The following FARS2 variants were observed in gnomAD, a reference collection of about 807,000 sequenced individuals.
FARS2 encodes the protein phenylalanyl-tRNA synthetase 2, mitochondrial.
Under a neutral mutation model 46.4 loss-of-function variants are expected in FARS2, and 40 were observed. The ratio of observed to expected loss-of-function variants is 0.86; its 90% CI spans 0.67 to 1.12. The LOEUF (loss-of-function observed/expected upper bound fraction) is 1.12. Ranked by LOEUF, FARS2 falls within the 50% of genes most tolerant of loss-of-function variation. The pLI is 0.00. For synonymous variants in FARS2, 234 were observed against 214.9 expected, an observed-to-expected ratio of 1.09 and a Z score of -0.78; for missense variants, 513 against 567.9, an observed-to-expected ratio of 0.90 and a Z score of 0.98.
chr6:5,691,281 C>G (rs1757695819), intron 6 of FARS2, among the ~76,000 whole-genome samples: 1 of 152,168 alleles, frequency 6.6e-6, no homozygotes, highest in Non-Finnish European at 1.5e-5. Context: ...TTTAGAGTTT[C>G]CAGTTTTGCT....
intron 4 of FARS2, among the ~76,000 whole-genome samples, chr6:5,458,665 C>T (rs1184902498): frequency 6.6e-6 from 1 of 152,084 alleles, no homozygotes; most frequent in African/African-American, 2.4e-5. Flanking sequence ...TAAATAAGGA[C>T]ATGTTTGTTG....
intron 6 of FARS2, among the ~76,000 whole-genome samples, chr6:5,766,201 T>C (rs1273233596): frequency 6.6e-6 from 1 of 152,254 alleles, no homozygotes; most frequent in Non-Finnish European, 1.5e-5. Context: ...GTGCAGCCTG[T>C]TCTGTCCTTC....
chr6:5,601,524 CAAAAAAA>C (rs70975920), intron 5 of FARS2, among the ~76,000 whole-genome samples: 31 of 92,166 alleles, frequency 3.4e-4, no homozygotes, highest in African/African-American at 1.0e-4. Context: ...AACTCCATCA[CAAAAAAA>C]AAAAAAAAAA....
chr6:5,547,909 G>A (rs1771133528), intron 5 of FARS2, among the ~76,000 whole-genome samples: 1 of 152,168 alleles, frequency 6.6e-6, no homozygotes, highest in Non-Finnish European at 1.5e-5. Context: ...TTTGTGTACA[G>A]ACCTTTTCAA....
At chr6:5,719,465 G>GAGA (rs1399406909) in intron 6 of FARS2, among the ~76,000 whole-genome samples, 2 of 38,572 alleles carry the variant, frequency 5.2e-5, no homozygotes, top group African/African-American at 8.9e-5. Context: ...AAAGAAAAGA[G>GAGA]AAGAAAAGAA....
intron 4 of FARS2, among the ~76,000 whole-genome samples, chr6:5,437,875 T>G (rs1312307871): frequency 6.6e-6 from 1 of 152,176 alleles, no homozygotes; most frequent in Non-Finnish European, 1.5e-5. Flanking sequence ...AAAATACATG[T>G]TTCCTTCTGG....
chr6:5,627,159 C>T (rs925303573), intron 6 of FARS2, among the ~76,000 whole-genome samples: 1 of 152,148 alleles, frequency 6.6e-6, no homozygotes, highest in East Asian at 1.9e-4. Context: ...CTTATGGGAC[C>T]ATCATTGCAT....
intron 3 of FARS2, among the ~76,000 whole-genome samples, chr6:5,425,736 G>A (rs550724139): frequency 1.3e-5 from 2 of 152,312 alleles, no homozygotes; most frequent in Admixed American, 1.3e-4. Flanking sequence ...TATTTCTGAA[G>A]TCCCACTTGA....
At chr6:5,315,558 G>A (rs1014264392) in intron 1 of FARS2, among the ~76,000 whole-genome samples, 10 of 152,138 alleles carry the variant, frequency 6.6e-5, no homozygotes, top group Admixed American at 2.0e-4. Flanking sequence ...TGAGAAAAAG[G>A]AGCAAGGAGA....
chr6:5,357,735 G>C (rs1280329112), intron 1 of FARS2, among the ~76,000 whole-genome samples: 1 of 152,196 alleles, frequency 6.6e-6, no homozygotes, highest in African/African-American at 2.4e-5. Flanking sequence ...TAGCAGGGGT[G>C]GACTGGAACC....
At chr6:5,556,193 A>G (rs971301676) in intron 5 of FARS2, among the ~76,000 whole-genome samples, 2 of 152,126 alleles carry the variant, frequency 1.3e-5, no homozygotes, top group African/African-American at 4.8e-5. Context: ...CTTTAATCCT[A>G]GTTAAACCTA....
chr6:5,664,022 C>T (rs1026429117), intron 6 of FARS2, among the ~76,000 whole-genome samples: 20 of 152,374 alleles, frequency 1.3e-4, no homozygotes, highest in African/African-American at 4.6e-4. Flanking sequence ...CCCTGGCCTC[C>T]TCAGCCCCTC....
chr6:5,569,203 G>A (rs761183411), intron 5 of FARS2, among the ~76,000 whole-genome samples: 2 of 150,950 alleles, frequency 1.3e-5, no homozygotes, highest in Non-Finnish European at 2.9e-5. Context: ...AGAAGATGAT[G>A]AGTTCAATTT....
chr6:5,295,117 G>C (rs1767764846), intron 1 of FARS2, among the ~76,000 whole-genome samples: 1 of 152,186 alleles, frequency 6.6e-6, no homozygotes, highest in Non-Finnish European at 1.5e-5. Flanking sequence ...CTCAGTCTTG[G>C]AGAGTGGCAC....
intron 1 of FARS2, among the ~76,000 whole-genome samples, chr6:5,349,340 T>C (rs1757428737): frequency 6.6e-6 from 1 of 152,210 alleles, no homozygotes; most frequent in South Asian, 2.1e-4. Flanking sequence ...TCTAAATAAA[T>C]GGAGAGACAC....
At position 5,539,398 on chromosome 6, in the gene FARS2, ATG is replaced by A. The variant is rs1491121791; in HGVS notation, c.905-5780_905-5779del. On this transcript the variant is annotated intron_variant, in intron 4 of 6. Coordinates refer to ENST00000274680, the MANE Select transcript of FARS2 (RefSeq NM_006567.5). ...ATTTTTTTTGTGTATATATATATAT[ATG>A]TATATATTTTTTTAGTAGAGACGGG... Among the ~76,000 whole-genome samples, 84 of 142,022 alleles carry A rather than the reference ATG, an allele frequency of 5.9e-4. 1 individual carries two copies. Among genetic ancestry groups the A allele is most frequent in the Admixed American group, 1.6e-3 (22 of 14,038 alleles). The allele number at this position is 142,022 out of a possible 152,430, so 93.2% of individuals were successfully genotyped here.
intron 6 of FARS2, among the ~76,000 whole-genome samples, chr6:5,629,275 G>GA (rs1299405773): frequency 2.6e-5 from 4 of 152,198 alleles, no homozygotes; most frequent in African/African-American, 7.2e-5. Flanking sequence ...GATTCATTGT[G>GA]AAAAAATGTC....
chr6:5,624,256 G>A (rs2150703644), intron 6 of FARS2, among the ~76,000 whole-genome samples: 1 of 152,214 alleles, frequency 6.6e-6, no homozygotes, highest in Non-Finnish European at 1.5e-5. Flanking sequence ...AGCTTACGAT[G>A]GGTGCATCTC....
chr6:5,668,686 GTTTTT>G (rs58819474), intron 6 of FARS2, among the ~76,000 whole-genome samples: 21 of 53,428 alleles, frequency 3.9e-4, no homozygotes, highest in Non-Finnish European at 5.9e-4. Context: ...GTGTGTTTGG[GTTTTT>G]TTTTTTTTTT....
Sources: allele counts gnomAD v4.1 joint callset (sites outside exome capture counted in the v4.1 genomes callset), GRCh38; gene constraint gnomAD v4.1.1; transcripts MANE v1.5; gene names NCBI Gene and HGNC (gene_info 2026-07-23, HGNC 2026-07-21).